Variants in KIAA1549L observed in about 807,000 individuals in gnomAD.
KIAA1549L encodes UPF0606 protein KIAA1549L.
A neutral mutation model predicts 160.7 loss-of-function variants in KIAA1549L; 88 were observed. The observed-to-expected ratio is 0.55, with a 90% confidence interval of 0.46 to 0.65. The LOEUF is 0.65. KIAA1549L is among the 30% of genes least tolerant of loss of function. The pLI, the probability that KIAA1549L is intolerant of heterozygous loss-of-function variation, is 0.00. For synonymous variants in KIAA1549L, 950 were observed against 976.7 expected (o/e 0.97, Z 0.51); for missense variants, 2,258 against 2,437.5 (o/e 0.93, Z 1.55).
chr11:33,547,881 TAA>T lies in KIAA1549L; in HGVS notation c.3501+3_3501+4del. 6.3e-7 allele frequency: 1 copy of T among 1,598,184 alleles called. No individual in the cohort carries two copies. Among genetic ancestry groups the T allele is most frequent in the Non-Finnish European group, 8.6e-7 (1 of 1,166,408 alleles). ...CACCAGAACGATGTCTCAGCTCACGTAAGTGCTTTGCTTTGTAACCAAGCTAA... is the reference window on the plus strand; with the variant it reads ...CACCAGAACGATGTCTCAGCTCACGTGTGCTTTGCTTTGTAACCAAGCTAA... On this transcript the variant is annotated splice_donor_region_variant and intron_variant, in intron 4 of 20. Transcript: ENST00000658780.
intron 1 of KIAA1549L, among the ~76,000 whole-genome samples, chr11:33,459,627 GA>G (rs1851897995): frequency 6.6e-6 from 1 of 152,144 alleles, no homozygotes; most frequent in Non-Finnish European, 1.5e-5. Flanking sequence ...GCCTCCGTCT[GA>G]ACCATCCATC....
intron 11 of KIAA1549L, among the ~76,000 whole-genome samples, chr11:33,587,313 T>C (rs778635448): frequency 2.6e-5 from 4 of 152,206 alleles, no homozygotes; most frequent in African/African-American, 4.8e-5. Flanking sequence ...TTATTGGGGT[T>C]AGGAGTCACT....
At chr11:33,599,129 C>T in intron 13 of KIAA1549L, 182 bp downstream of exon 13, 2 of 561,828 alleles carry the variant, frequency 3.6e-6, no homozygotes, top group Non-Finnish European at 6.1e-6. Flanking sequence ...TCACCTTACC[C>T]CTTGTCTGAA....
intron 13 of KIAA1549L, among the ~76,000 whole-genome samples, chr11:33,604,810 G>A (rs1428569788): frequency 1.3e-5 from 2 of 152,068 alleles, no homozygotes; most frequent in Non-Finnish European, 1.5e-5. Flanking sequence ...GAGAGGGTGA[G>A]GGGGGAGTGA....
intron 8 of KIAA1549L, among the ~76,000 whole-genome samples, chr11:33,566,731 GC>G (rs781577894): frequency 3.6e-4 from 55 of 152,334 alleles, no homozygotes; most frequent in East Asian, 3.1e-3. Context: ...AGCGTTGGCT[GC>G]TGGTAGCCCC....
intron 1 of KIAA1549L, among the ~76,000 whole-genome samples, chr11:33,535,350 C>T (rs561529706): frequency 6.6e-6 from 1 of 152,090 alleles, no homozygotes; most frequent in Non-Finnish European, 1.5e-5. Flanking sequence ...ACAAGAGTTA[C>T]ATCCCATCTC....
At chr11:33,471,031 G>C (rs952095985) in intron 1 of KIAA1549L, among the ~76,000 whole-genome samples, 6 of 151,978 alleles carry the variant, frequency 3.9e-5, no homozygotes, top group African/African-American at 1.5e-4. Context: ...ATGTTGCCCA[G>C]GCTGGTTTCA....
In KIAA1549L at chr11:33,574,836, C is replaced by A. The variant is rs146426058; in HGVS notation, c.4365C>A (p.Ala1455=). ...GCACCATTGATTCCCAAAGGATGGC[C>A]TTGACCCTTCATCACGTTGTCCTTC... ...ILSTIDSQRM[A]LTLHHVVLLQ... The change falls in exon 10 of 21, where the codon GCC becomes GCA. Residue 1455 remains alanine (A), a synonymous_variant. Transcript: ENST00000658780. 3.0e-5 allele frequency: 49 copies of A among 1,614,014 alleles called. No homozygotes were observed. The Admixed American group carries it at 3.2e-4, about 10-fold the overall frequency.
intron 1 of KIAA1549L, among the ~76,000 whole-genome samples, chr11:33,457,127 T>G (rs1851842684): frequency 6.6e-6 from 1 of 151,828 alleles, no homozygotes; most frequent in African/African-American, 2.4e-5. Context: ...GTCCCCATAG[T>G]GGAAGCTTTT....
intron 1 of KIAA1549L, among the ~76,000 whole-genome samples, chr11:33,381,026 G>GT (rs1850065011): frequency 6.6e-6 from 1 of 151,926 alleles, no homozygotes; most frequent in Non-Finnish European, 1.5e-5. Flanking sequence ...AATGGGGCTT[G>GT]TTTTTGTTCG....
chr11:33,657,997 C>G (rs772953311), intron 18 of KIAA1549L, among the ~76,000 whole-genome samples: 1 of 152,182 alleles, frequency 6.6e-6, no homozygotes, highest in Non-Finnish European at 1.5e-5. Flanking sequence ...CCTGAAGTCC[C>G]TCTGTGAAAC....
At chr11:33,568,531 A>C (rs1855134922) in intron 9 of KIAA1549L, among the ~76,000 whole-genome samples, 1 of 152,212 alleles carries the variant, frequency 6.6e-6, no homozygotes, top group Non-Finnish European at 1.5e-5. Flanking sequence ...CTTGGTAAGC[A>C]AGGACAGACT....
intron 1 of KIAA1549L, among the ~76,000 whole-genome samples, chr11:33,527,824 C>T (rs1472689026): frequency 6.6e-6 from 1 of 152,128 alleles, no homozygotes; most frequent in East Asian, 1.9e-4. Context: ...GAAGATGGTA[C>T]ATATTACAAA....
At chr11:33,530,935 G>A (rs553271073) in intron 1 of KIAA1549L, among the ~76,000 whole-genome samples, 2 of 152,306 alleles carry the variant, frequency 1.3e-5, no homozygotes, top group South Asian at 4.1e-4. Context: ...TGTGCATTGT[G>A]ATCACAGGTC....
intron 1 of KIAA1549L, among the ~76,000 whole-genome samples, chr11:33,408,412 T>G (rs1038839657): frequency 1.3e-5 from 2 of 151,698 alleles, no homozygotes; most frequent in Non-Finnish European, 2.9e-5. Context: ...ATCTAATATC[T>G]AATATCTTCC....
At chr11:33,530,413 GGAAAAAAAAA>G (rs1565170899) in intron 1 of KIAA1549L, among the ~76,000 whole-genome samples, 1 of 6,124 alleles carries the variant, frequency 1.6e-4, no homozygotes, top group African/African-American at 7.0e-4. Flanking sequence ...AGAAGAAGAA[GGAAAAAAAAA>G]AAAAAAAAAA....
Position 33,542,604 on chromosome 11 carries a change from C to T in KIAA1549L, c.1041C>T (p.Pro347=). The part of the protein sequence containing the change: ...AGSSTPGFLS[P]MAELSHPSPP... ...CATCCACACCTGGGTTTTTGAGCCCCATGGCAGAACTGTCCCATCCGTCTC... is the reference window on the plus strand; with the variant it reads ...CATCCACACCTGGGTTTTTGAGCCCTATGGCAGAACTGTCCCATCCGTCTC... The change falls in exon 2 of 21, where the codon CCC becomes CCT. Residue 347 remains proline, a synonymous_variant. Coordinates refer to ENST00000658780, the MANE Select transcript of KIAA1549L (RefSeq NM_012194.3). The T allele has an allele frequency of 6.2e-7, 1 of 1,613,984 alleles. No homozygotes were observed. Among genetic ancestry groups the T allele is most frequent in the East Asian group, 2.2e-5 (1 of 44,878 alleles).
intron 1 of KIAA1549L, among the ~76,000 whole-genome samples, chr11:33,522,689 A>C (rs1483562296): frequency 6.6e-6 from 1 of 152,184 alleles, no homozygotes; most frequent in Non-Finnish European, 1.5e-5. Context: ...TGAGGCCAGG[A>C]GTTTGAGACC....
intron 16 of KIAA1549L, among the ~76,000 whole-genome samples, chr11:33,624,699 A>G (rs915648477): frequency 6.6e-6 from 1 of 151,442 alleles, no homozygotes; most frequent in Non-Finnish European, 1.5e-5. Flanking sequence ...AGGGCCACAT[A>G]GGCTACACCA....
Sources: allele counts gnomAD v4.1 joint callset (sites outside exome capture counted in the v4.1 genomes callset), GRCh38; gene constraint gnomAD v4.1.1; transcripts MANE v1.5; gene names NCBI Gene and HGNC (gene_info 2026-07-23, HGNC 2026-07-21).